CSMD2: variants seen among roughly 807,000 people sequenced by gnomAD.
CSMD2 encodes the protein CUB and Sushi multiple domains 2.
CSMD2 carries 130 observed loss-of-function variants against 398.5 expected under a neutral mutation model. That is an observed-to-expected ratio of 0.33 (90% CI 0.28 to 0.38). CSMD2 has a LOEUF of 0.38. Among genes scored for constraint, CSMD2 ranks in the 10% least tolerant of loss-of-function variants. CSMD2 has a pLI of 1.00. For synonymous variants in CSMD2, 1,828 were observed against 1,908.5 expected (o/e 0.96, Z 1.10); for missense variants, 3,829 against 4,764.9 (o/e 0.80, Z 5.78).
chr1:33,733,314 G>T (rs1271227394), intron 15 of CSMD2, among the ~76,000 whole-genome samples: 1 of 152,180 alleles, frequency 6.6e-6, no homozygotes, highest in Non-Finnish European at 1.5e-5. Context: ...TTTTGTGGTA[G>T]AATATAAGCA....
chr1:33,663,505 A>T (rs1299362567), intron 25 of CSMD2, among the ~76,000 whole-genome samples: 1 of 151,884 alleles, frequency 6.6e-6, no homozygotes, highest in Non-Finnish European at 1.5e-5. Context: ...AAAAAAAAAA[A>T]TAATTGGGGC....
intron 49 of CSMD2, among the ~76,000 whole-genome samples, chr1:33,573,635 C>T (rs557498346): frequency 3.3e-5 from 5 of 151,358 alleles, no homozygotes; most frequent in Non-Finnish European, 5.9e-5. Context: ...AAAAAGAGAC[C>T]GAAAATGAGA....
At chr1:33,657,189 A>T (rs1242714788) in intron 27 of CSMD2, among the ~76,000 whole-genome samples, 1 of 152,174 alleles carries the variant, frequency 6.6e-6, no homozygotes, top group East Asian at 1.9e-4. Context: ...CTGAGGACAG[A>T]TCTAAAGAAA....
chr1:33,928,254 C>A (rs1428793601), intron 4 of CSMD2, among the ~76,000 whole-genome samples: 8 of 152,194 alleles, frequency 5.3e-5, no homozygotes, highest in Non-Finnish European at 1.2e-4. Context: ...AGGTAAAGCA[C>A]TGCACCTCTC....
At chr1:33,845,784 G>A (rs1661292549) in intron 6 of CSMD2, among the ~76,000 whole-genome samples, 1 of 152,212 alleles carries the variant, frequency 6.6e-6, no homozygotes, top group African/African-American at 2.4e-5. Flanking sequence ...GATTTTGAAC[G>A]TAACGCTTCT....
intron 26 of CSMD2, among the ~76,000 whole-genome samples, chr1:33,658,442 T>A (rs1644021237): frequency 1.3e-5 from 2 of 152,250 alleles, no homozygotes. Flanking sequence ...AGCATGATTA[T>A]ACTGTTATAA....
intron 2 of CSMD2, among the ~76,000 whole-genome samples, chr1:34,085,098 GA>G (rs1657705709): frequency 6.6e-6 from 1 of 152,126 alleles, no homozygotes; most frequent in African/African-American, 2.4e-5. Flanking sequence ...GATGAAGCTG[GA>G]AACCATCATT....
In CSMD2 at chr1:33,652,435, G is replaced by A. The variant is rs1349210012; in HGVS notation, c.4474C>T (p.Pro1492Ser). 7 of 1,614,154 alleles carry A rather than the reference G, an allele frequency of 4.3e-6. No homozygotes were observed. Among genetic ancestry groups the A allele is most frequent in the Non-Finnish European group, 5.9e-6 (7 of 1,179,992 alleles). The change falls in exon 28 of 71, where the codon CCA (proline) becomes TCA (serine). Residue 1492 changes from proline (P) to serine (S), a missense_variant. By Grantham distance (74) the Pro-to-Ser change is moderately conservative. This residue lies in a region of CSMD2 where 2,001 missense variants were observed against 2,567.1 expected (regional missense o/e 0.78). Transcript: ENST00000373381. The part of the protein sequence containing the change: ...IAPCGGDLTG[P>S]SGVILSPNYP... ...TTTGGTGAGAGGATGACTCCAGATGGTCCTGTCAGGTCTCCCCCGCAGGGA... is the reference window on the plus strand; with the variant it reads ...TTTGGTGAGAGGATGACTCCAGATGATCCTGTCAGGTCTCCCCCGCAGGGA...
At chr1:33,911,699 T>C (rs1643452163) in intron 5 of CSMD2, among the ~76,000 whole-genome samples, 1 of 152,186 alleles carries the variant, frequency 6.6e-6, no homozygotes, top group Admixed American at 6.5e-5. Context: ...CCCAGGGAAA[T>C]TCTCTTTCCA....
chr1:33,606,560 C>G (rs932590036), intron 41 of CSMD2, among the ~76,000 whole-genome samples: 6 of 152,348 alleles, frequency 3.9e-5, no homozygotes, highest in Non-Finnish European at 8.8e-5. Flanking sequence ...AGCCCCAGGA[C>G]AGGCCTGGCC....
intron 1 of CSMD2, among the ~76,000 whole-genome samples, chr1:34,129,933 A>C (rs986632652): frequency 6.6e-6 from 1 of 152,108 alleles, no homozygotes; most frequent in Admixed American, 6.5e-5. Flanking sequence ...TCCCTCATCT[A>C]TAAGGAAAGC....
At chr1:33,937,651 G>C (rs190691342) in intron 3 of CSMD2, among the ~76,000 whole-genome samples, 2 of 152,350 alleles carry the variant, frequency 1.3e-5, no homozygotes, top group Admixed American at 1.3e-4. Context: ...GCTCAGTGTA[G>C]AGGGTAATGG....
At chr1:33,853,000 G>A (rs1339716739) in intron 5 of CSMD2, among the ~76,000 whole-genome samples, 2 of 152,210 alleles carry the variant, frequency 1.3e-5, no homozygotes, top group African/African-American at 4.8e-5. Flanking sequence ...TACCATAGAA[G>A]CCTCACAGAT....
rs1400705123 is a variant in CSMD2 at position 34,163,202 on chromosome 1, G to T, written c.187+1709C>A. ...AGAGACCGGCCTCGCCTCAACGTAC[G>T]TCCGGGAGGCCTGGCGGGAGGTAGC... On this transcript the variant is annotated intron_variant, in intron 1 of 70. Coordinates refer to ENST00000373381, the MANE Select transcript of CSMD2 (RefSeq NM_001281956.2). This position sits in a 1 kb window ranked among gnomAD's most constrained non-coding sequence, Gnocchi z 5.4. Among the ~76,000 whole-genome samples, 1 of 152,248 alleles carries T rather than the reference G, an allele frequency of 6.6e-6. No homozygotes were observed. Among genetic ancestry groups the T allele is most frequent in the Non-Finnish European group, 1.5e-5 (1 of 68,046 alleles).
At chr1:33,955,146 C>T (rs1645125331) in intron 3 of CSMD2, among the ~76,000 whole-genome samples, 2 of 152,214 alleles carry the variant, frequency 1.3e-5, no homozygotes. Flanking sequence ...CTGCCTTTCT[C>T]CTGCCTCATT....
At chr1:33,879,501 T>C (rs1362405350) in intron 5 of CSMD2, among the ~76,000 whole-genome samples, 1 of 152,226 alleles carries the variant, frequency 6.6e-6, no homozygotes, top group African/African-American at 2.4e-5. Context: ...CAAATGTCCC[T>C]GACCTGAAAG....
chr1:33,813,701 G>A lies in CSMD2; in HGVS notation c.1325-2837C>T. Among the ~76,000 whole-genome samples, 2 of 152,030 alleles carry A rather than the reference G, an allele frequency of 1.3e-5. 1 individual carries two copies. Among genetic ancestry groups the A allele is most frequent in the Non-Finnish European group, 2.9e-5 (2 of 68,006 alleles). On this transcript the variant is annotated intron_variant, in intron 9 of 70. Coordinates refer to ENST00000373381, the MANE Select transcript of CSMD2 (RefSeq NM_001281956.2). ...AGTTCTGACACTGAAACAACTTGGT[G>A]CCAAAGAAGAGAACTGCTCCGGGTG... is the stretch of plus-strand genomic sequence containing the variant.
chr1:33,869,569 G>A (rs1426370594), intron 5 of CSMD2, among the ~76,000 whole-genome samples: 3 of 152,170 alleles, frequency 2.0e-5, no homozygotes, highest in Non-Finnish European at 4.4e-5. Context: ...ACAGATTGCC[G>A]GGCCTTACCC....
At chr1:33,592,803 G>A (rs575474541) in intron 44 of CSMD2, among the ~76,000 whole-genome samples, 25 of 152,220 alleles carry the variant, frequency 1.6e-4, no homozygotes, top group South Asian at 6.2e-4. Context: ...CAAAAAATTA[G>A]CTGGGCGAGG....
Sources: allele counts gnomAD v4.1 joint callset (sites outside exome capture counted in the v4.1 genomes callset), GRCh38; gene constraint gnomAD v4.1.1; regional missense constraint gnomAD v4.1.1; non-coding constraint Gnocchi (gnomAD v3.1); transcripts MANE v1.5; gene names NCBI Gene and HGNC (gene_info 2026-07-23, HGNC 2026-07-21).